Variants in NREP observed in about 807,000 individuals in gnomAD.
NREP encodes the protein neuronal regeneration related protein.
NREP carries 5 observed loss-of-function variants against 8.6 expected under a neutral mutation model. That is an observed-to-expected ratio of 0.58 (90% CI 0.30 to 1.22). The LOEUF (loss-of-function observed/expected upper bound fraction) is 1.22, where lower values mean the gene tolerates loss of function less well. Among genes scored for constraint, NREP ranks in the 50% most tolerant of loss-of-function variants. NREP has a pLI of 0.07. For missense variants in NREP, 86 were observed against 82.5 expected (o/e 1.04, Z -0.17); for synonymous variants, 27 against 28.0 (o/e 0.96, Z 0.11).
intron 2 of NREP, among the ~76,000 whole-genome samples, chr5:111,799,326 G>C (rs1376634918): frequency 6.6e-6 from 1 of 152,042 alleles, no homozygotes; most frequent in Non-Finnish European, 1.5e-5. Flanking sequence ...ATTTTGATGG[G>C]AATTGCATTG....
intron 2 of NREP, among the ~76,000 whole-genome samples, chr5:111,848,631 C>T (rs903477617): frequency 5.3e-5 from 8 of 152,162 alleles, no homozygotes; most frequent in Middle Eastern, 3.4e-3. Flanking sequence ...GCTTCCTTTA[C>T]GATAGACAAT....
At chr5:111,765,995 A>G (rs1196753739) in intron 2 of NREP, among the ~76,000 whole-genome samples, 1 of 128,948 alleles carries the variant, frequency 7.8e-6, no homozygotes, top group Non-Finnish European at 1.7e-5. Flanking sequence ...CCACATACTG[A>G]TAATGAAATA....
Position 111,866,534 on chromosome 5 carries a change from T to C in NREP, c.135+108740A>G, listed in dbSNP as rs139985175. On this transcript the variant is annotated intron_variant, in intron 2 of 3. Coordinates refer to the NREP transcript ENST00000395634. ...CAGGATGTGGAGAAAGAGGAACACT[T>C]ACACTGTTGGTGGGACTGTAAACTA... Among the ~76,000 whole-genome samples, 1,287 of 152,246 alleles carry C rather than the reference T, an allele frequency of 8.5e-3. 21 individuals carry two copies. Among genetic ancestry groups the C allele is most frequent in the African/African-American group, 0.03 (1,227 of 41,548 alleles).
At chr5:111,944,558 T>G (rs543572200) in intron 2 of NREP, among the ~76,000 whole-genome samples, 13 of 152,132 alleles carry the variant, frequency 8.5e-5, no homozygotes, top group Non-Finnish European at 1.5e-4. Flanking sequence ...TCCACAGCCT[T>G]GGGCTCCCAA....
intron 2 of NREP, among the ~76,000 whole-genome samples, chr5:111,856,145 T>G (rs1307627855): frequency 6.6e-6 from 1 of 152,192 alleles, no homozygotes; most frequent in South Asian, 2.1e-4. Context: ...CCAGCGAGGA[T>G]GCTGTCTGCT....
intron 2 of NREP, among the ~76,000 whole-genome samples, chr5:111,821,855 TAGG>T (rs1373605640): frequency 6.6e-6 from 1 of 152,124 alleles, no homozygotes. Flanking sequence ...AGGGTATTTA[TAGG>T]AGAAGAAATA....
chr5:111,858,086 T>A (rs1753464618), intron 2 of NREP, among the ~76,000 whole-genome samples: 1 of 152,136 alleles, frequency 6.6e-6, no homozygotes, highest in African/African-American at 2.4e-5. Context: ...TTCTCTGAGT[T>A]TCCTACAACC....
At chr5:111,800,812 AT>A (rs1751988185) in intron 2 of NREP, among the ~76,000 whole-genome samples, 1 of 152,328 alleles carries the variant, frequency 6.6e-6, no homozygotes, top group Non-Finnish European at 1.5e-5. Context: ...CAGAAATCTC[AT>A]TTTTTTATAT....
upstream of NREP, chr5:111,758,213 G>A: frequency 1.0e-6 from 1 of 985,540 alleles, no homozygotes; most frequent in Non-Finnish European, 1.2e-6. Flanking sequence ...TCCTGTGGCT[G>A]CGCGTGCACA....
intron 2 of NREP, among the ~76,000 whole-genome samples, chr5:111,740,409 T>A (rs1364255893): frequency 6.6e-6 from 1 of 152,168 alleles, no homozygotes; most frequent in African/African-American, 2.4e-5. Flanking sequence ...TTCAATATTC[T>A]ATCACAGCAT....
intron 2 of NREP, among the ~76,000 whole-genome samples, chr5:111,798,393 G>C (rs1011096138): frequency 6.6e-6 from 1 of 151,996 alleles, no homozygotes; most frequent in African/African-American, 2.4e-5. Flanking sequence ...TTCAATAGGT[G>C]TTTGGGGAAC....
At chr5:111,870,679 A>G (rs146009649) in intron 2 of NREP, among the ~76,000 whole-genome samples, 1 of 152,262 alleles carries the variant, frequency 6.6e-6, no homozygotes, top group East Asian at 1.9e-4. Flanking sequence ...TAATCCGTTA[A>G]GACAAGGTGG....
intron 2 of NREP, among the ~76,000 whole-genome samples, chr5:111,800,792 A>G (rs1581127610): frequency 6.6e-6 from 1 of 152,252 alleles, no homozygotes; most frequent in African/African-American, 2.4e-5. Flanking sequence ...TGCTCAAGAA[A>G]TTGCAAAAAC....
At chr5:111,801,225 G>C (rs552778701) in intron 2 of NREP, among the ~76,000 whole-genome samples, 3 of 152,322 alleles carry the variant, frequency 2.0e-5, no homozygotes, top group Admixed American at 6.5e-5. Flanking sequence ...TAGTAGAAAA[G>C]GGAAGGATGA....
chr5:111,882,048 T>C (rs1257702429), intron 2 of NREP, among the ~76,000 whole-genome samples: 1 of 152,082 alleles, frequency 6.6e-6, no homozygotes, highest in Non-Finnish European at 1.5e-5. Flanking sequence ...CAGGAGGAAA[T>C]TCAAACCAAA....
At chr5:111,774,057 T>C (rs986107914) in intron 2 of NREP, among the ~76,000 whole-genome samples, 59 of 152,134 alleles carry the variant, frequency 3.9e-4, no homozygotes, top group African/African-American at 1.4e-3. Context: ...TCAATATGTA[T>C]TCCCAGAATT....
intron 2 of NREP, among the ~76,000 whole-genome samples, chr5:111,809,600 C>T (rs577994677): frequency 5.9e-5 from 9 of 152,182 alleles, no homozygotes; most frequent in East Asian, 3.9e-4. Flanking sequence ...GGATATTCCT[C>T]GGGTTTTGCC....
At chr5:111,783,512 C>T (rs1315978546) in intron 2 of NREP, among the ~76,000 whole-genome samples, 1 of 152,178 alleles carries the variant, frequency 6.6e-6, no homozygotes, top group Non-Finnish European at 1.5e-5. Flanking sequence ...TGCATTATTT[C>T]TGATCTCAAG....
intron 2 of NREP, among the ~76,000 whole-genome samples, chr5:111,919,000 T>C (rs1407228610): frequency 6.6e-6 from 1 of 151,864 alleles, no homozygotes; most frequent in Non-Finnish European, 1.5e-5. Flanking sequence ...AGAACTAATA[T>C]CCAGAATCTA....
Sources: allele counts gnomAD v4.1 joint callset (sites outside exome capture counted in the v4.1 genomes callset), GRCh38; gene constraint gnomAD v4.1.1; transcripts MANE v1.5; gene names NCBI Gene and HGNC (gene_info 2026-07-23, HGNC 2026-07-21).